Variants in ITSN1 observed in about 807,000 individuals in gnomAD.
The protein encoded by ITSN1 is intersectin 1, also known as intersectin-1.
ITSN1 carries 58 observed loss-of-function variants against 239.8 expected under a neutral mutation model. The observed-to-expected ratio is 0.24, with a 90% CI of 0.20 to 0.30. The LOEUF (loss-of-function observed/expected upper bound fraction) is 0.30. Ranked by LOEUF, ITSN1 falls within the 10% of genes least tolerant of loss-of-function variation. ITSN1 has a pLI of 1.00. For synonymous variants in ITSN1, 780 were observed against 770.8 expected (o/e 1.01, Z -0.20); for missense variants, 1,558 against 2,103.3 (o/e 0.74, Z 5.07).
At chr21:33,656,121 C>T (rs2089049194) in intron 1 of ITSN1, among the ~76,000 whole-genome samples, 1 of 152,130 alleles carries the variant, frequency 6.6e-6, no homozygotes, top group South Asian at 2.1e-4. Context: ...TCTGATTGGC[C>T]TGGCATGATC....
chr21:33,790,425 T>C (rs2071028943), intron 16 of ITSN1, among the ~76,000 whole-genome samples: 1 of 152,078 alleles, frequency 6.6e-6, no homozygotes, highest in South Asian at 2.1e-4. Flanking sequence ...TTATGTTTTA[T>C]TGGAAGATAA....
chr21:33,661,238 C>A (rs2089528078), intron 1 of ITSN1, among the ~76,000 whole-genome samples: 1 of 98,492 alleles, frequency 1.0e-5, no homozygotes, highest in Non-Finnish European at 1.8e-5. Context: ...AATCGAGTTC[C>A]TGTAAAAAAA....
At chr21:33,782,233 A>C in intron 16 of ITSN1, 100 bp downstream of exon 16, 2 of 1,155,164 alleles carry the variant, frequency 1.7e-6, no homozygotes, top group Non-Finnish European at 2.5e-6. Context: ...AAAATTTATT[A>C]TGCCATTGTG....
At chr21:33,696,657 T>C (rs2091807698) in intron 1 of ITSN1, among the ~76,000 whole-genome samples, 1 of 152,242 alleles carries the variant, frequency 6.6e-6, no homozygotes, top group Admixed American at 6.5e-5. Flanking sequence ...CATTTGCAGC[T>C]GTTGCACTGT....
chr21:33,817,686 ATC>A (rs2073382511), intron 22 of ITSN1: 2 of 1,119,956 alleles, frequency 1.8e-6, no homozygotes, highest in Admixed American at 7.0e-5. Context: ...TTCATCTGTA[ATC>A]TCATGGGGCA....
At chr21:33,873,810 T>A (rs1161192239) in intron 33 of ITSN1, among the ~76,000 whole-genome samples, 2 of 152,068 alleles carry the variant, frequency 1.3e-5, no homozygotes, top group Non-Finnish European at 2.9e-5. Flanking sequence ...AGGCAGAGGT[T>A]GCAGTGAGAT....
rs146674042 is a variant in ITSN1, at chr21:33,868,009, C to T, written c.4173+678C>T. Among the ~76,000 whole-genome samples the T allele has an allele frequency of 1.1e-3, 168 of 152,316 alleles. No homozygotes were observed. The East Asian group carries it at 0.023, about 21-fold the overall frequency. On this transcript the variant is annotated intron_variant, in intron 33 of 39. Transcript: ENST00000381318. ...CAGTGTGGACCCAAAGAGTGAGCAG[C>T]AGCAAGATTTATTGCAAAGAGTGAA...
chr21:33,776,283 G>A (rs1242916073), intron 14 of ITSN1, among the ~76,000 whole-genome samples: 2 of 151,874 alleles, frequency 1.3e-5, no homozygotes, highest in African/African-American at 4.8e-5. Flanking sequence ...TGGGCACAGT[G>A]GGTCACACCT....
intron 18 of ITSN1, among the ~76,000 whole-genome samples, chr21:33,798,093 C>T (rs1434237121): frequency 6.6e-6 from 1 of 152,088 alleles, no homozygotes; most frequent in Non-Finnish European, 1.5e-5. Flanking sequence ...TTTCTTTCTT[C>T]TCTTTCCTTT....
intron 19 of ITSN1, among the ~76,000 whole-genome samples, chr21:33,800,444 A>G (rs191963286): frequency 1.3e-3 from 202 of 152,244 alleles, no homozygotes; most frequent in African/African-American, 4.5e-3. Context: ...CACTCTATCA[A>G]ATCATTCTCA....
intron 19 of ITSN1, 25 bp downstream of exon 19, chr21:33,799,954 T>A (rs545887841): frequency 8.1e-6 from 13 of 1,606,174 alleles, no homozygotes; most frequent in African/African-American, 5.4e-5. Context: ...AGTGAGAGGG[T>A]CATTTCTGTT....
chr21:33,800,990 C>T (rs1159906631), intron 19 of ITSN1, among the ~76,000 whole-genome samples: 1 of 151,920 alleles, frequency 6.6e-6, no homozygotes, highest in Non-Finnish European at 1.5e-5. Flanking sequence ...CCCACCTCAT[C>T]CTCCCAACTA....
rs1419977819 is a variant in ITSN1, at chr21:33,882,600, C to T, written c.4554+145C>T. ...GAGTTGAAATGCGATTTAGGGTGTC[C>T]GGAGTGGAGGACGATCCATATCCCG... is the stretch of plus-strand genomic sequence containing the variant. On this transcript the variant is annotated intron_variant, in intron 35 of 39. Coordinates refer to ENST00000381318, the MANE Select transcript of ITSN1 (RefSeq NM_003024.3). This position sits in a 1 kb window ranked among gnomAD's most constrained non-coding sequence, Gnocchi z 4.5. The T allele has an allele frequency of 1.4e-5, 9 of 665,254 alleles. No homozygotes were observed. Among genetic ancestry groups the T allele is most frequent in the Admixed American group, 2.7e-5 (1 of 36,716 alleles). The allele number at this position is 665,254 out of a possible 1,614,324, so 41.2% of individuals were successfully genotyped here. A position where few individuals can be genotyped will look rare whatever the true frequency, so the allele number is the denominator to read the frequency against.
chr21:33,647,532 G>T (rs1314008958), intron 1 of ITSN1, among the ~76,000 whole-genome samples: 3 of 151,876 alleles, frequency 2.0e-5, no homozygotes, highest in African/African-American at 7.3e-5. Context: ...GTCTCAGTCT[G>T]TTACCCAGGC....
chr21:33,775,151 A>G (rs767739127), intron 14 of ITSN1, 43 bp downstream of exon 14: 3 of 1,577,018 alleles, frequency 1.9e-6, no homozygotes, highest in East Asian at 4.5e-5. Context: ...TTAAACTGGC[A>G]TCCTTTTCTC....
At chr21:33,678,540 G>T (rs1437158787) in intron 1 of ITSN1, among the ~76,000 whole-genome samples, 1 of 152,106 alleles carries the variant, frequency 6.6e-6, no homozygotes, top group Non-Finnish European at 1.5e-5. Flanking sequence ...CCACCCCACG[G>T]CCTGCATTCA....
intron 1 of ITSN1, among the ~76,000 whole-genome samples, chr21:33,647,156 A>G (rs1033185187): frequency 6.6e-6 from 1 of 152,220 alleles, no homozygotes; most frequent in Non-Finnish European, 1.5e-5. Flanking sequence ...AGGTTAAAAT[A>G]TAGTTTATGA....
intron 29 of ITSN1, among the ~76,000 whole-genome samples, chr21:33,854,592 T>C (rs1480665486): frequency 6.6e-6 from 1 of 152,254 alleles, no homozygotes; most frequent in African/African-American, 2.4e-5. Context: ...ATCACTCAGC[T>C]TGCCACAAAC....
intron 34 of ITSN1, among the ~76,000 whole-genome samples, chr21:33,881,337 G>A (rs1277915266): frequency 6.6e-6 from 1 of 151,672 alleles, no homozygotes; most frequent in Non-Finnish European, 1.5e-5. Context: ...AACCCGGGAG[G>A]CGGAGCTTGC....
Sources: gnomAD v4.1 joint callset for allele counts (sites outside exome capture counted in the v4.1 genomes callset) on GRCh38, gnomAD v4.1.1 for gene constraint, Gnocchi (gnomAD v3.1) non-coding constraint, MANE v1.5 for transcripts, NCBI Gene and HGNC (gene_info 2026-07-23, HGNC 2026-07-21) for gene names.